The following NANOS3 variants were observed in gnomAD, a reference collection of about 807,000 sequenced individuals.
The protein encoded by NANOS3 is nanos homolog 3.
In NANOS3, 11 loss-of-function variants were observed where a neutral mutation model predicts 13.8. The observed-to-expected ratio is 0.80, with a 90% CI of 0.50 to 1.32. NANOS3 has a LOEUF of 1.32. NANOS3 is among the 40% of genes most tolerant of loss of function. NANOS3 has a pLI of 0.00. For synonymous variants in NANOS3, 119 were observed against 115.4 expected, an observed-to-expected ratio of 1.03 and a Z score of -0.20; for missense variants, 221 against 263.8, an observed-to-expected ratio of 0.84 and a Z score of 1.12.
intron 1 of NANOS3, among the ~76,000 whole-genome samples, chr19:13,869,868 G>C (rs183283300): frequency 5.5e-4 from 83 of 151,892 alleles, no homozygotes; most frequent in African/African-American, 1.9e-3. Flanking sequence ...AACATACAGA[G>C]ACACCCCCAA....
upstream of NANOS3, among the ~76,000 whole-genome samples, chr19:13,864,018 G>C (rs1358245167): frequency 1.3e-5 from 2 of 152,084 alleles, no homozygotes; most frequent in Non-Finnish European, 2.9e-5. Context: ...ACTGGGGTGG[G>C]GGATAAATAA....
intron 1 of NANOS3, among the ~76,000 whole-genome samples, chr19:13,871,432 C>T (rs935830160): frequency 1.3e-5 from 2 of 152,198 alleles, no homozygotes; most frequent in Non-Finnish European, 2.9e-5. Context: ...GAGAGATAGT[C>T]AGACCCAGGA....
intron 1 of NANOS3, among the ~76,000 whole-genome samples, chr19:13,865,846 G>C (rs1486302769): frequency 1.3e-5 from 2 of 151,392 alleles, no homozygotes; most frequent in African/African-American, 2.4e-5. Flanking sequence ...GCCACGGGCC[G>C]GGGCGGCGGC....
chr19:13,873,910 C>CG (rs538708862), upstream of NANOS3, among the ~76,000 whole-genome samples: 2 of 65,826 alleles, frequency 3.0e-5, no homozygotes, highest in African/African-American at 6.1e-5. Flanking sequence ...GCACCCGGGG[C>CG]GGGGGGGTGG....
At chr19:13,871,953 T>C (rs1447231200) in intron 1 of NANOS3, among the ~76,000 whole-genome samples, 1 of 152,004 alleles carries the variant, frequency 6.6e-6, no homozygotes, top group East Asian at 1.9e-4. Context: ...GAGCTGTGAT[T>C]GCGCCACTGC....
At chr19:13,865,502 C>T (rs1428640858) in intron 1 of NANOS3, 2 of 140,014 alleles carry the variant, frequency 1.4e-5, no homozygotes, top group Admixed American at 7.0e-5. Context: ...GGGCAGGGGG[C>T]GCGGCGGGGC....
upstream of NANOS3, among the ~76,000 whole-genome samples, chr19:13,872,579 A>G (rs528437096): frequency 6.6e-6 from 1 of 152,316 alleles, no homozygotes; most frequent in East Asian, 1.9e-4. Flanking sequence ...CGTTATCATC[A>G]GTAATGTAAT....
In NANOS3 at chr19:13,877,385, T is replaced by TGGAGCCGATGCCAGCGCC; in HGVS notation, c.142_159dup (p.Pro48_Glu53dup). 6.3e-7 allele frequency: 1 copy of TGGAGCCGATGCCAGCGCC among 1,597,924 alleles called. No individual in the cohort carries two copies. The highest frequency in any genetic ancestry group is 8.5e-7 in the Non-Finnish European group (1 of 1,177,392). ...CCAATGCTGGAGCCGGTGTCAGCCC[T>TGGAGCCGATGCCAGCGCC]GGAGCCGATGCCAGCGCCGGAGTCG... On this transcript the variant is annotated inframe_insertion, in exon 1 of 2. Coordinates refer to ENST00000339133, the MANE Select transcript of NANOS3 (RefSeq NM_001098622.3).
At chr19:13,865,430 C>T (rs1976219593) in exon 1 of NANOS3, 1 of 146,598 alleles carries the variant, frequency 6.8e-6, no homozygotes, top group Admixed American at 6.8e-5. Context: ...GCGGCGGCCC[C>T]AATCGAGGTG....
intron 1 of NANOS3, among the ~76,000 whole-genome samples, chr19:13,871,147 C>T (rs1158660401): frequency 6.6e-6 from 1 of 152,072 alleles, no homozygotes. Context: ...ACAAGCAGGG[C>T]AGGGCTGCAG....
upstream of NANOS3, among the ~76,000 whole-genome samples, chr19:13,872,238 A>C (rs1329082146): frequency 6.6e-6 from 1 of 151,014 alleles, no homozygotes; most frequent in African/African-American, 2.4e-5. Context: ...CCAGCTACTC[A>C]GGAGGCTGAG....
Position 13,877,563 on chromosome 19 carries a change from C to A in NANOS3, c.315C>A (p.Pro105=). ...ACGAGGCTGGCAGGGTGCTGTGTCC[C>A]ATCCTGCGGGACTACGTGTGTCCCC... The part of the protein sequence containing the change: ...LKDEAGRVLC[P]ILRDYVCPQC... Residue 105 remains proline, a synonymous_variant, in exon 1 of 2, where the codon CCC becomes CCA. Transcript: ENST00000339133. 6.2e-7 allele frequency: 1 copy of A among 1,612,386 alleles called. No individual in the cohort carries two copies. The highest frequency in any genetic ancestry group is 8.5e-7 in the Non-Finnish European group (1 of 1,179,990).
intron 1 of NANOS3, among the ~76,000 whole-genome samples, chr19:13,869,320 C>A (rs890141711): frequency 2.0e-5 from 3 of 152,074 alleles, no homozygotes; most frequent in African/African-American, 7.2e-5. Flanking sequence ...GGCCTGAATT[C>A]TCCTTCAGCT....
At chr19:13,873,074 A>G (rs1480075871), upstream of NANOS3, among the ~76,000 whole-genome samples, 3 of 148,686 alleles carry the variant, frequency 2.0e-5, no homozygotes, top group Non-Finnish European at 3.0e-5. Flanking sequence ...GCTTTTGTGG[A>G]GGGCTCTAAG....
chr19:13,867,710 G>T (rs143805594), intron 1 of NANOS3, among the ~76,000 whole-genome samples: 1 of 151,912 alleles, frequency 6.6e-6, no homozygotes, highest in Non-Finnish European at 1.5e-5. Context: ...CAGTAATCTT[G>T]ATATACACAC....
upstream of NANOS3, among the ~76,000 whole-genome samples, chr19:13,876,196 T>A (rs1568365199): frequency 6.6e-6 from 1 of 152,196 alleles, no homozygotes. Flanking sequence ...TGGAGTGCAG[T>A]GGCTTGATCT....
upstream of NANOS3, among the ~76,000 whole-genome samples, chr19:13,875,736 A>G (rs1968496587): frequency 6.6e-6 from 1 of 150,670 alleles, no homozygotes; most frequent in Non-Finnish European, 1.5e-5. Context: ...TTTTTGTAGG[A>G]ACAGGGTCTC....
chr19:13,862,433 C>T (rs1475200398), upstream of NANOS3, among the ~76,000 whole-genome samples: 2 of 152,178 alleles, frequency 1.3e-5, no homozygotes, highest in Non-Finnish European at 2.9e-5. Flanking sequence ...CTGCCCCCTG[C>T]TGGTGGCTGC....
chr19:13,863,052 T>C (rs976445364), upstream of NANOS3, among the ~76,000 whole-genome samples: 6 of 152,246 alleles, frequency 3.9e-5, no homozygotes, highest in African/African-American at 1.4e-4. Context: ...GAATAGTCCC[T>C]GCCTCAAGGG....
Sources: gnomAD v4.1 joint callset for allele counts (sites outside exome capture counted in the v4.1 genomes callset) on GRCh38, gnomAD v4.1.1 for gene constraint, MANE v1.5 for transcripts, NCBI Gene and HGNC (gene_info 2026-07-23, HGNC 2026-07-21) for gene names.